PAK3: variants seen among roughly 807,000 people sequenced by gnomAD.
The protein encoded by PAK3 is serine/threonine-protein kinase PAK 3.
Under a neutral mutation model 41.0 loss-of-function variants are expected in PAK3, and 4 were observed. That is an observed-to-expected ratio of 0.10 (90% CI 0.05 to 0.22). The LOEUF (loss-of-function observed/expected upper bound fraction) is 0.22, where lower values mean the gene tolerates loss of function less well. PAK3 is among the 10% of genes least tolerant of loss of function. PAK3 has a pLI of 1.00. For missense variants in PAK3, 205 were observed against 409.9 expected, an observed-to-expected ratio of 0.50 and a Z score of 4.32; for synonymous variants, 146 against 139.6, an observed-to-expected ratio of 1.05 and a Z score of -0.32.
intron 1 of PAK3, among the ~76,000 whole-genome samples, chrX:110,978,234 C>T (rs1036936592): frequency 1.8e-5 from 2 of 110,938 alleles, no homozygotes; most frequent in African/African-American, 6.6e-5. Context: ...GGATGAATCT[C>T]GGTAGGTTAT....
chrX:111,132,047 G>C (rs1361320), intron 5 of PAK3, among the ~76,000 whole-genome samples: 18,946 of 110,417 alleles, frequency 0.17, 3,388 homozygotes, highest in African/African-American at 0.54. Flanking sequence ...TAAGTAGACA[G>C]TAAGGCATTT....
At chrX:111,212,024 A>G (rs2094827103) in intron 16 of PAK3, among the ~76,000 whole-genome samples, 1 of 112,142 alleles carries the variant, frequency 8.9e-6, no homozygotes, top group African/African-American at 3.2e-5. Context: ...GTGGATGGGT[A>G]TGAAAGACAT....
At chrX:111,046,938 A>G in intron 1 of PAK3, among the ~76,000 whole-genome samples, 1 of 111,780 alleles carries the variant, frequency 8.9e-6, no homozygotes, top group Admixed American at 9.5e-5. Flanking sequence ...GCCAGGGCAC[A>G]TAACCCTGCC....
At chrX:110,974,441 C>T (rs1019961128) in intron 1 of PAK3, among the ~76,000 whole-genome samples, 1 of 111,852 alleles carries the variant, frequency 8.9e-6, no homozygotes, top group African/African-American at 3.3e-5. Context: ...AGACCAATAA[C>T]AGGCTCTGAA....
Position 110,977,946 on chromosome X carries a change from C to T in PAK3, c.-28+33318C>T, listed in dbSNP as rs961216483. Among the ~76,000 whole-genome samples the T allele has an allele frequency of 4.5e-5, 5 of 111,857 alleles. No homozygotes were observed. The South Asian group carries it at 1.1e-3, about 25-fold the overall frequency. ...CCTCCAATACAATGTTGACTAGAAA[C>T]GACAAAGGTGTTCCTAATCTTAGGG... On this transcript the variant is annotated intron_variant, in intron 1 of 14. Transcript: ENST00000425146.
At chrX:111,016,491 G>A (rs920972661) in intron 1 of PAK3, among the ~76,000 whole-genome samples, 1 of 111,251 alleles carries the variant, frequency 9.0e-6, no homozygotes, top group African/African-American at 3.3e-5. Context: ...CTTCTTAAAA[G>A]TATGTGTGTG....
At chrX:111,103,748 T>G (rs934687882) in intron 4 of PAK3, among the ~76,000 whole-genome samples, 12 of 111,313 alleles carry the variant, frequency 1.1e-4, no homozygotes, top group Non-Finnish European at 5.7e-5. Context: ...AATTTTACCT[T>G]CCTGTTTGAA....
At chrX:111,129,980 A>G (rs1180114064) in intron 5 of PAK3, among the ~76,000 whole-genome samples, 2 of 111,939 alleles carry the variant, frequency 1.8e-5, no homozygotes, top group African/African-American at 6.5e-5. Context: ...ACCCTATATA[A>G]TTATCCACAT....
At chrX:111,125,979 G>C (rs2093642858) in intron 5 of PAK3, among the ~76,000 whole-genome samples, 1 of 111,637 alleles carries the variant, frequency 9.0e-6, no homozygotes, top group African/African-American at 3.3e-5. Context: ...TCTTTAGAAG[G>C]GCCACTTAAA....
At chrX:110,992,197 T>C (rs746954421) in intron 1 of PAK3, among the ~76,000 whole-genome samples, 5 of 109,894 alleles carry the variant, frequency 4.5e-5, no homozygotes, top group Non-Finnish European at 7.6e-5. Flanking sequence ...GGGAAGAGCA[T>C]TGGGAGCAGA....
At chrX:111,028,475 T>C (rs1421459866) in intron 1 of PAK3, among the ~76,000 whole-genome samples, 1 of 111,693 alleles carries the variant, frequency 9.0e-6, no homozygotes, top group African/African-American at 3.3e-5. Flanking sequence ...ATTTATTTTA[T>C]GTATATTTTA....
upstream of PAK3, among the ~76,000 whole-genome samples, chrX:111,091,774 G>A (rs1449177035): frequency 2.7e-5 from 3 of 112,315 alleles, no homozygotes; most frequent in African/African-American, 6.5e-5. Context: ...ATGGCAACGG[G>A]TTGTAGTGAG....
intron 5 of PAK3, among the ~76,000 whole-genome samples, chrX:111,131,816 G>A (rs1362922778): frequency 9.0e-6 from 1 of 111,648 alleles, no homozygotes; most frequent in African/African-American, 3.3e-5. Context: ...ACAAATGAGT[G>A]CCTGCCTCTT....
At chrX:111,039,537 G>A (rs901705502) in intron 1 of PAK3, among the ~76,000 whole-genome samples, 2 of 111,971 alleles carry the variant, frequency 1.8e-5, no homozygotes, top group African/African-American at 6.5e-5. Flanking sequence ...AAGACCAGAA[G>A]AAGTCTGCCT....
At chrX:111,058,203 G>T in intron 1 of PAK3, among the ~76,000 whole-genome samples, 1 of 111,878 alleles carries the variant, frequency 8.9e-6, no homozygotes, top group Admixed American at 9.5e-5. Context: ...ACCTAGGAGT[G>T]AAATTGTTCA....
chrX:110,995,425 T>G (rs1347588332), intron 1 of PAK3, among the ~76,000 whole-genome samples: 1 of 110,986 alleles, frequency 9.0e-6, no homozygotes, highest in African/African-American at 3.3e-5. Context: ...GCTTTGTGTA[T>G]GAGTTTACCT....
intron 1 of PAK3, among the ~76,000 whole-genome samples, chrX:111,006,391 A>G (rs1265126354): frequency 9.0e-6 from 1 of 111,695 alleles, no homozygotes. Flanking sequence ...TCTGCAACAA[A>G]CTCAAATGGA....
chrX:111,158,656 G>A (rs1248131432), intron 8 of PAK3, among the ~76,000 whole-genome samples: 1 of 112,141 alleles, frequency 8.9e-6, no homozygotes, highest in African/African-American at 3.2e-5. Flanking sequence ...TGGCAGGATA[G>A]TGTTTGGTCC....
intron 1 of PAK3, among the ~76,000 whole-genome samples, chrX:111,078,200 C>T (rs2092803300): frequency 9.1e-6 from 1 of 110,254 alleles, no homozygotes; most frequent in African/African-American, 3.3e-5. Context: ...CTATGTAAGG[C>T]ACACCTTCTT....
Sources: gnomAD v4.1 joint callset for allele counts (sites outside exome capture counted in the v4.1 genomes callset) on GRCh38, gnomAD v4.1.1 for gene constraint, MANE v1.5 for transcripts, NCBI Gene and HGNC (gene_info 2026-07-23, HGNC 2026-07-21) for gene names.